Variants in THSD4 observed in about 807,000 individuals in gnomAD.
THSD4 encodes the protein thrombospondin type 1 domain containing 4, also known as thrombospondin type-1 domain-containing protein 4.
Under a neutral mutation model 119.0 loss-of-function variants are expected in THSD4, and 69 were observed. The ratio of observed to expected loss-of-function variants is 0.58; its 90% confidence interval spans 0.48 to 0.71. The LOEUF is 0.71. THSD4 is among the 30% of genes least tolerant of loss of function. The pLI is 0.00. For missense variants in THSD4, 1,393 were observed against 1,391.1 expected (o/e 1.00, Z -0.02); for synonymous variants, 524 against 540.4 (o/e 0.97, Z 0.42).
chr15:71,131,022 G>A (rs2040499289), intron 1 of THSD4, among the ~76,000 whole-genome samples: 1 of 152,238 alleles, frequency 6.6e-6, no homozygotes, highest in Middle Eastern at 3.2e-3. Context: ...GGGATTACAG[G>A]TGTGAGCCAC....
intron 7 of THSD4, among the ~76,000 whole-genome samples, chr15:71,493,909 C>T (rs931612944): frequency 3.9e-5 from 6 of 152,158 alleles, no homozygotes; most frequent in Non-Finnish European, 7.3e-5. Context: ...TCAGAGGTTG[C>T]GCTGCATGTG....
At chr15:71,101,274 G>T (rs2040252567) in intron 1 of THSD4, among the ~76,000 whole-genome samples, 1 of 151,968 alleles carries the variant, frequency 6.6e-6, no homozygotes, top group Non-Finnish European at 1.5e-5. Flanking sequence ...ATTTCAAGAG[G>T]AGTACTCAAT....
chr15:71,274,191 A>G (rs28681522), intron 6 of THSD4, among the ~76,000 whole-genome samples: 1,967 of 152,326 alleles, frequency 0.013, 45 homozygotes, highest in African/African-American at 0.044. Context: ...TGGGATGGAC[A>G]AAAATGATTG....
At chr15:71,128,193 A>C (rs181669682) in intron 1 of THSD4, among the ~76,000 whole-genome samples, 1 of 152,026 alleles carries the variant, frequency 6.6e-6, no homozygotes, top group Admixed American at 6.6e-5. Flanking sequence ...CAACCTGAGC[A>C]ACAGATATAA....
chr15:71,661,607 G>A (rs1044661081), intron 8 of THSD4, among the ~76,000 whole-genome samples: 1 of 152,028 alleles, frequency 6.6e-6, no homozygotes, highest in African/African-American at 2.4e-5. Context: ...TGTTGGCCAA[G>A]CTGGTCTTGA....
At chr15:71,454,574 CAA>C (rs1321733761) in intron 7 of THSD4, among the ~76,000 whole-genome samples, 3 of 152,104 alleles carry the variant, frequency 2.0e-5, no homozygotes, top group African/African-American at 4.8e-5. Flanking sequence ...TTTAAGCAAA[CAA>C]GAGGGAGAAA....
At chr15:71,620,199 TTC>T (rs1185663290) in intron 7 of THSD4, among the ~76,000 whole-genome samples, 13 of 152,176 alleles carry the variant, frequency 8.5e-5, no homozygotes, top group African/African-American at 3.1e-4. Flanking sequence ...ATTTCTGATA[TTC>T]TGTTTTCTCA....
chr15:71,149,363 A>G (rs2040697582), intron 2 of THSD4, among the ~76,000 whole-genome samples: 1 of 152,174 alleles, frequency 6.6e-6, no homozygotes, highest in Admixed American at 6.5e-5. Flanking sequence ...CTCCTGCCTC[A>G]GCCTCACGAG....
intron 7 of THSD4, among the ~76,000 whole-genome samples, chr15:71,587,059 A>G (rs1050182823): frequency 6.6e-6 from 1 of 151,978 alleles, no homozygotes; most frequent in African/African-American, 2.4e-5. Context: ...AATGCAAATC[A>G]AAACCACTAT....
At chr15:71,559,889 G>C (rs369325729) in intron 7 of THSD4, among the ~76,000 whole-genome samples, 4 of 152,118 alleles carry the variant, frequency 2.6e-5, no homozygotes, top group African/African-American at 9.6e-5. Flanking sequence ...GTTACTTCTT[G>C]AGAAAATTTA....
intron 7 of THSD4, among the ~76,000 whole-genome samples, chr15:71,518,891 G>A (rs1330067079): frequency 6.6e-6 from 1 of 152,130 alleles, no homozygotes; most frequent in Non-Finnish European, 1.5e-5. Context: ...AACAATAAAG[G>A]CAACACTCCT....
At chr15:71,663,051 C>T (rs902667985) in intron 8 of THSD4, among the ~76,000 whole-genome samples, 1 of 152,014 alleles carries the variant, frequency 6.6e-6, no homozygotes, top group Non-Finnish European at 1.5e-5. Context: ...GAGTTCACGA[C>T]CAGCCTGCGC....
intron 4 of THSD4, among the ~76,000 whole-genome samples, chr15:71,222,451 T>G (rs1002079140): frequency 2.0e-5 from 3 of 152,228 alleles, no homozygotes; most frequent in Admixed American, 6.5e-5. Context: ...TTTGATGGCT[T>G]TAATTCAGAT....
At chr15:71,612,184 AG>A (rs2050243472) in intron 7 of THSD4, among the ~76,000 whole-genome samples, 2 of 152,174 alleles carry the variant, frequency 1.3e-5, no homozygotes, top group Admixed American at 6.5e-5. Flanking sequence ...ACCTTTGGAA[AG>A]GGGTCATGAA....
intron 7 of THSD4, among the ~76,000 whole-genome samples, chr15:71,593,092 A>G (rs541478294): frequency 1.5e-4 from 23 of 152,302 alleles, no homozygotes; most frequent in African/African-American, 5.3e-4. Context: ...AGAGGTTTCT[A>G]TCCTGTCCCC....
chr15:71,260,926 C>A (rs2044389443), intron 6 of THSD4, among the ~76,000 whole-genome samples: 1 of 152,076 alleles, frequency 6.6e-6, no homozygotes, highest in Admixed American at 6.6e-5. Context: ...CGTGGTGAAA[C>A]CCCATCTCTA....
At chr15:71,587,407 A>G (rs563970779) in intron 7 of THSD4, among the ~76,000 whole-genome samples, 2,737 of 117,070 alleles carry the variant, frequency 0.023, 105 homozygotes, top group African/African-American at 0.071. Flanking sequence ...GATTAAGAAA[A>G]TGTGGCACAT....
intron 7 of THSD4, among the ~76,000 whole-genome samples, chr15:71,433,876 G>A (rs928091322): frequency 6.6e-6 from 1 of 152,106 alleles, no homozygotes; most frequent in Non-Finnish European, 1.5e-5. Flanking sequence ...AAAATCCAGA[G>A]GCTCAAAACC....
intron 5 of THSD4, among the ~76,000 whole-genome samples, chr15:71,254,199 A>G (rs146502832): frequency 7.2e-4 from 109 of 152,330 alleles, no homozygotes; most frequent in African/African-American, 2.4e-3. Flanking sequence ...TGTTTCTGCT[A>G]CGAAGACCTG....
Sources: allele counts gnomAD v4.1 joint callset (sites outside exome capture counted in the v4.1 genomes callset), GRCh38; gene constraint gnomAD v4.1.1; transcripts MANE v1.5; gene names NCBI Gene and HGNC (gene_info 2026-07-23, HGNC 2026-07-21).